The following CNTN6 variants were observed in gnomAD, a reference collection of about 807,000 sequenced individuals.
CNTN6 encodes contactin 6, also known as contactin-6.
CNTN6 carries 137 observed loss-of-function variants against 122.8 expected under a neutral mutation model. The observed-to-expected ratio is 1.12, with a 90% confidence interval of 0.97 to 1.29. The LOEUF (loss-of-function observed/expected upper bound fraction) is 1.29. CNTN6 is among the 50% of genes most tolerant of loss of function. The pLI is 0.00. For synonymous variants in CNTN6, 570 were observed against 426.0 expected (o/e 1.34, Z -4.16); for missense variants, 1,634 against 1,223.4 (o/e 1.34, Z -5.01).
chr3:1,311,244 C>G (rs577490248), intron 7 of CNTN6, among the ~76,000 whole-genome samples: 2 of 143,086 alleles, frequency 1.4e-5, no homozygotes, highest in African/African-American at 5.2e-5. Context: ...TGTATATATA[C>G]ACATATATAT....
At chr3:1,349,295 T>C (rs1170552747) in intron 11 of CNTN6, among the ~76,000 whole-genome samples, 1 of 151,904 alleles carries the variant, frequency 6.6e-6, no homozygotes, top group East Asian at 1.9e-4. Context: ...TGTAACTATA[T>C]GCTTTGTACT....
chr3:1,328,182 A>G (rs1302998625), intron 10 of CNTN6, among the ~76,000 whole-genome samples: 1 of 151,836 alleles, frequency 6.6e-6, no homozygotes, highest in East Asian at 1.9e-4. Context: ...TAAACTTTTT[A>G]TGTCATTAAC....
At chr3:1,323,893 A>T (rs1026460413) in intron 8 of CNTN6, among the ~76,000 whole-genome samples, 2 of 140,256 alleles carry the variant, frequency 1.4e-5, no homozygotes, top group African/African-American at 6.5e-5. Context: ...TTGAATAAAT[A>T]AATGTGTTCT....
At chr3:1,306,105 T>C (rs1698313367) in intron 7 of CNTN6, among the ~76,000 whole-genome samples, 1 of 152,174 alleles carries the variant, frequency 6.6e-6, no homozygotes, top group Non-Finnish European at 1.5e-5. Context: ...ATCACTCAGG[T>C]ATCTTAATGA....
At chr3:1,241,010 C>A (rs974774592) in intron 4 of CNTN6, among the ~76,000 whole-genome samples, 3 of 151,860 alleles carry the variant, frequency 2.0e-5, no homozygotes, top group Non-Finnish European at 4.4e-5. Context: ...TTACAAAGAA[C>A]CTTCTTAAGG....
intron 2 of CNTN6, among the ~76,000 whole-genome samples, chr3:1,215,790 T>C (rs1460722864): frequency 6.6e-6 from 1 of 152,192 alleles, no homozygotes; most frequent in Non-Finnish European, 1.5e-5. Context: ...TTTTACTTAA[T>C]GGGGAAATAT....
intron 11 of CNTN6, among the ~76,000 whole-genome samples, chr3:1,336,802 T>C (rs1703138388): frequency 6.6e-6 from 1 of 152,108 alleles, no homozygotes; most frequent in African/African-American, 2.4e-5. Context: ...CCACTGCACT[T>C]CCACCTGCCT....
chr3:1,182,018 GCTTT>G lies in CNTN6; in HGVS notation c.55+33956_55+33959del, dbSNP rs553763302. Among the ~76,000 whole-genome samples the G allele has an allele frequency of 4.6e-5, 7 of 151,848 alleles. No individual in the cohort carries two copies. In the East Asian group the frequency reaches 1.4e-3, roughly 29 times the overall value. On this transcript the variant is annotated intron_variant, in intron 2 of 22. Transcript: ENST00000446702. ...TCTCTTCATTTTGTTCAGAAACTGT[GCTTT>G]TTTTTCTTAATCGTTCTGCTTTTCA...
rs35763173 is a variant in CNTN6 at position 1,385,787 on chromosome 3, CA to C, written c.2699del (p.Lys900SerfsTer15). 2 of 1,608,156 alleles carry C rather than the reference CA, an allele frequency of 1.2e-6. No homozygotes were observed. The highest frequency in any genetic ancestry group is 1.7e-6 in the Non-Finnish European group (2 of 1,177,904). On this transcript the variant is annotated frameshift_variant, in exon 20 of 23. Transcript: ENST00000446702. LOFTEE classifies it high-confidence loss of function. ...CAAGCCCCCCAGTCAATGTTACCAC[CA>C]AAAAGTCTCGTAAGTATGCATACAC... Reference protein sequence around the residue: ...PSSPPVNVTTKKSPPSQPPAN... With the variant: ...PSSPPVNVTTXKSPPSQPPAN...
chr3:1,217,452 G>A (rs560527521), intron 2 of CNTN6, among the ~76,000 whole-genome samples: 4 of 152,218 alleles, frequency 2.6e-5, no homozygotes, highest in African/African-American at 9.6e-5. Flanking sequence ...CCCTTTTTAG[G>A]TTTTTAGTTG....
chr3:1,293,544 C>T lies in CNTN6; in HGVS notation c.455-2057C>T, dbSNP rs150499907. ...ACCGGAACATATCAGAAATAATTAG[C>T]TTCTTTTGTCTCTGCCATGTCTTGC... On this transcript the variant is annotated intron_variant, in intron 5 of 22. Coordinates refer to ENST00000446702, the MANE Select transcript of CNTN6 (RefSeq NM_001289080.2). Among the ~76,000 whole-genome samples the T allele has an allele frequency of 9.4e-3, 1,432 of 152,226 alleles. 25 individuals carry two copies. The highest frequency in any genetic ancestry group is 0.033 in the African/African-American group (1,365 of 41,544).
At chr3:1,097,916 A>G (rs549349399) in intron 1 of CNTN6, among the ~76,000 whole-genome samples, 4 of 152,310 alleles carry the variant, frequency 2.6e-5, no homozygotes, top group African/African-American at 9.6e-5. Context: ...TGTATTGGGT[A>G]TTTAATAGAG....
chr3:1,271,104 C>T (rs2095018389), intron 4 of CNTN6, among the ~76,000 whole-genome samples: 1 of 152,130 alleles, frequency 6.6e-6, no homozygotes, highest in South Asian at 2.1e-4. Context: ...TGTCCAACTC[C>T]TGGTCTCATG....
At chr3:1,162,740 G>C (rs926246387) in intron 2 of CNTN6, among the ~76,000 whole-genome samples, 2 of 152,222 alleles carry the variant, frequency 1.3e-5, no homozygotes, top group Non-Finnish European at 2.9e-5. Flanking sequence ...CATTTCCAGA[G>C]TCCAAAAGCA....
chr3:1,125,022 T>C (rs1222753889), intron 1 of CNTN6, among the ~76,000 whole-genome samples: 1 of 151,974 alleles, frequency 6.6e-6, no homozygotes, highest in Non-Finnish European at 1.5e-5. Context: ...TTTTAAGTTA[T>C]AGAATGAATA....
At chr3:1,128,819 C>T (rs1355103794) in intron 1 of CNTN6, among the ~76,000 whole-genome samples, 1 of 151,796 alleles carries the variant, frequency 6.6e-6, no homozygotes, top group African/African-American at 2.4e-5. Context: ...CTTTAGCAAC[C>T]CAAACACATT....
chr3:1,237,968 C>A lies in CNTN6; in HGVS notation c.358+9975C>A, dbSNP rs558690460. Among the ~76,000 whole-genome samples, 3 of 150,622 alleles carry A rather than the reference C, an allele frequency of 2.0e-5. No individual in the cohort carries two copies. In the South Asian group the frequency reaches 6.5e-4, roughly 33 times the overall value. Reference sequence around the variant, plus strand: ...CCTTGAAGCACACATCTCACAGAACCTATATAACAATAACACAATGTTTAA... The same window carrying A: ...CCTTGAAGCACACATCTCACAGAACATATATAACAATAACACAATGTTTAA... On this transcript the variant is annotated intron_variant, in intron 4 of 22. Transcript: ENST00000446702.
chr3:1,102,677 G>A lies in CNTN6; in HGVS notation c.-83+9557G>A, dbSNP rs865945315. ...CGGGGGGCGGAGCTTGCAGTGAGCAGAGATGGCGCCACCGCCCTCCAGCCT... is the reference window on the plus strand; with the variant it reads ...CGGGGGGCGGAGCTTGCAGTGAGCAAAGATGGCGCCACCGCCCTCCAGCCT... On this transcript the variant is annotated intron_variant, in intron 1 of 22. Coordinates refer to ENST00000446702, the MANE Select transcript of CNTN6 (RefSeq NM_001289080.2). 1.7e-3 allele frequency among the ~76,000 whole-genome samples: 248 copies of A among 145,816 alleles called. 8 individuals are homozygous for A. The highest frequency in any genetic ancestry group is 9.6e-3 in the South Asian group (43 of 4,458).
chr3:1,242,230 A>T (rs2094495433), intron 4 of CNTN6, among the ~76,000 whole-genome samples: 1 of 152,132 alleles, frequency 6.6e-6, no homozygotes, highest in African/African-American at 2.4e-5. Context: ...GGGTCAGTCT[A>T]AGTGAAAGCA....
Sources: gnomAD v4.1 joint callset for allele counts (sites outside exome capture counted in the v4.1 genomes callset) on GRCh38, gnomAD v4.1.1 for gene constraint, MANE v1.5 for transcripts, NCBI Gene and HGNC (gene_info 2026-07-23, HGNC 2026-07-21) for gene names.